WWP2: variants seen among roughly 807,000 people sequenced by gnomAD.
WWP2 encodes the protein NEDD4-like E3 ubiquitin-protein ligase WWP2.
WWP2 carries 57 observed loss-of-function variants against 121.0 expected under a neutral mutation model. The ratio of observed to expected loss-of-function variants is 0.47; its 90% confidence interval spans 0.38 to 0.59. The LOEUF (loss-of-function observed/expected upper bound fraction) is 0.59, where lower values mean the gene tolerates loss of function less well. WWP2 is among the 20% of genes least tolerant of loss of function. The pLI, the probability that WWP2 is intolerant of heterozygous loss-of-function variation, is 0.00. For missense variants in WWP2, 962 were observed against 1,158.9 expected, an observed-to-expected ratio of 0.83 and a Z score of 2.47; for synonymous variants, 449 against 441.3, an observed-to-expected ratio of 1.02 and a Z score of -0.22.
intron 1 of WWP2, among the ~76,000 whole-genome samples, chr16:69,786,731 G>A (rs1215249910): frequency 1.3e-5 from 2 of 152,178 alleles, no homozygotes; most frequent in Non-Finnish European, 2.9e-5. Flanking sequence ...AATTACAGAC[G>A]TGAGCGACCA....
chr16:69,783,379 A>T (rs941572230), intron 1 of WWP2, among the ~76,000 whole-genome samples: 1 of 152,090 alleles, frequency 6.6e-6, no homozygotes, highest in African/African-American at 2.4e-5. Context: ...ACTCTTTAAG[A>T]TAAGTCAGGC....
At chr16:69,837,733 C>T (rs1223462056) in intron 4 of WWP2, among the ~76,000 whole-genome samples, 1 of 152,198 alleles carries the variant, frequency 6.6e-6, no homozygotes, top group African/African-American at 2.4e-5. Flanking sequence ...CCGGAATGCT[C>T]ATCCCTCAGC....
chr16:69,894,294 G>A lies in WWP2; in HGVS notation c.914+6045G>A, dbSNP rs184938248. Among the ~76,000 whole-genome samples the A allele has an allele frequency of 4.7e-3, 712 of 150,060 alleles. 23 individuals are homozygous for A. Among genetic ancestry groups the A allele is most frequent in the Non-Finnish European group, 8.4e-4 (57 of 67,628 alleles). Reference sequence around the variant, plus strand: ...GAGGGTCTCACTCTGTTGCCCATGCGGATCTCAAACTCCTGGGCTCAAGCG... The same window carrying A: ...GAGGGTCTCACTCTGTTGCCCATGCAGATCTCAAACTCCTGGGCTCAAGCG... On this transcript the variant is annotated intron_variant, in intron 8 of 23. Coordinates refer to ENST00000359154, the MANE Select transcript of WWP2 (RefSeq NM_001270454.2).
At chr16:69,939,671 CCCTT>C (rs1378884649) in intron 23 of WWP2, among the ~76,000 whole-genome samples, 166 bp from the exon 24 acceptor site, 1 of 151,764 alleles carries the variant, frequency 6.6e-6, no homozygotes, top group Non-Finnish European at 1.5e-5. Context: ...CCTGGCCCCT[CCCTT>C]AACACCCCAT....
intron 7 of WWP2, among the ~76,000 whole-genome samples, chr16:69,872,430 A>G (rs1415114302): frequency 6.6e-6 from 1 of 152,052 alleles, no homozygotes; most frequent in Non-Finnish European, 1.5e-5. Context: ...GTTAGCCAGG[A>G]TGGTCTTGAT....
chr16:69,878,659 G>C (rs1476457615), intron 7 of WWP2, among the ~76,000 whole-genome samples: 6 of 151,988 alleles, frequency 3.9e-5, no homozygotes, highest in African/African-American at 1.4e-4. Flanking sequence ...ACTGCACCCA[G>C]CCTGTTTTTA....
At chr16:69,794,161 A>G (rs115492554) in intron 2 of WWP2, among the ~76,000 whole-genome samples, 6,765 of 150,724 alleles carry the variant, frequency 0.045, 527 homozygotes, top group African/African-American at 0.16. Context: ...CAAGTGATCT[A>G]CCTCCCTTAG....
chr16:69,924,254 G>A (rs1010903969), intron 10 of WWP2, among the ~76,000 whole-genome samples: 2 of 152,152 alleles, frequency 1.3e-5, no homozygotes, highest in Non-Finnish European at 1.5e-5. Context: ...GGGGCTTGCT[G>A]GCAGTTGAGT....
Position 69,937,450 on chromosome 16 carries a change from T to C in WWP2, c.2239-98T>C. 7.1e-7 allele frequency: 1 copy of C among 1,407,580 alleles called. No homozygotes were observed. Among genetic ancestry groups the C allele is most frequent in the Non-Finnish European group, 9.9e-7 (1 of 1,010,480 alleles). The allele number at this position is 1,407,580 out of a possible 1,614,324, so 87.2% of individuals were successfully genotyped here. ...ATATTATTAACGCTGACACCAAAAA[T>C]AGCTAGTTGAATATGTTTGGGGTAA... is the stretch of plus-strand genomic sequence containing the variant. On this transcript the variant is annotated intron_variant, in intron 20 of 23. Coordinates refer to ENST00000359154, the MANE Select transcript of WWP2 (RefSeq NM_001270454.2). This position sits in a 1 kb window ranked among gnomAD's most constrained non-coding sequence, Gnocchi z 6.6.
chr16:69,806,588 C>G (rs1027058843), intron 4 of WWP2, among the ~76,000 whole-genome samples: 2 of 152,084 alleles, frequency 1.3e-5, no homozygotes, highest in African/African-American at 4.8e-5. Flanking sequence ...TTTTCCCCCC[C>G]ATAATTACTG....
At chr16:69,812,137 T>A (rs1191976240) in intron 4 of WWP2, among the ~76,000 whole-genome samples, 1 of 150,556 alleles carries the variant, frequency 6.6e-6, no homozygotes, top group Non-Finnish European at 1.5e-5. Flanking sequence ...GACATTGGCA[T>A]CGGCGTTGTT....
In WWP2 at chr16:69,837,112, A is replaced by G. The variant is rs1430778943; in HGVS notation, c.341-3014A>G. Among the ~76,000 whole-genome samples the G allele has an allele frequency of 3.3e-5, 5 of 151,836 alleles. No homozygotes were observed. In the East Asian group the frequency reaches 9.6e-4, roughly 29 times the overall value. On this transcript the variant is annotated intron_variant, in intron 4 of 23. Coordinates refer to ENST00000359154, the MANE Select transcript of WWP2 (RefSeq NM_001270454.2). ...CTAATTTTTGGCATTTTTATTAGAG[A>G]TGGGGTTTTACCATGTTGCCCAGGC...
At chr16:69,897,449 A>T (rs1191702354) in intron 8 of WWP2, among the ~76,000 whole-genome samples, 1 of 152,056 alleles carries the variant, frequency 6.6e-6, no homozygotes, top group Admixed American at 6.6e-5. Context: ...CCCTTGATGT[A>T]TAAGATGTTA....
chr16:69,896,895 C>G lies in WWP2; in HGVS notation c.914+8646C>G, dbSNP rs368093769. On this transcript the variant is annotated intron_variant, in intron 8 of 23. Transcript: ENST00000359154. ...AAGTGAGGAGAACTTAAGCAATTTG[C>G]CTGGCACCACATATACAGATACACG... 1.1e-4 allele frequency among the ~76,000 whole-genome samples: 17 copies of G among 152,154 alleles called. 2 individuals are homozygous for G. The highest frequency in any genetic ancestry group is 3.9e-4 in the East Asian group (2 of 5,188).
At chr16:69,778,152 T>C in intron 1 of WWP2, among the ~76,000 whole-genome samples, 1 of 143,968 alleles carries the variant, frequency 6.9e-6, no homozygotes, top group African/African-American at 2.6e-5. Context: ...CATATATACA[T>C]ACACACTCAT....
chr16:69,831,819 A>G (rs986766791), intron 4 of WWP2, among the ~76,000 whole-genome samples: 2 of 151,154 alleles, frequency 1.3e-5, no homozygotes, highest in East Asian at 3.9e-4. Flanking sequence ...CATGGAAAAA[A>G]ACAAAACCTT....
rs1372022508 is a variant in WWP2, at chr16:69,931,820, T to C, written c.1612T>C (p.Tyr538His). 15 of 1,613,712 alleles carry C rather than the reference T, an allele frequency of 9.3e-6. No individual in the cohort carries two copies. The East Asian group carries it at 2.0e-4, about 22-fold the overall frequency. The change falls in exon 16 of 24, where the codon TAT becomes CAT. Residue 538 changes from tyrosine to histidine, a missense_variant. Around this residue, in one of 3 missense-constraint regions of WWP2, gnomAD observed 606 missense variants for 772.6 expected, o/e 0.78. Transcript: ENST00000359154. ...TTCCCAGATCATGAACATGAAACCC[T>C]ATGACCTGCGCCGCCGGCTCTACAT... is the stretch of plus-strand genomic sequence containing the variant. Reference protein sequence around the residue: ...SFQQIMNMKPYDLRRRLYIIM... With the variant: ...SFQQIMNMKPHDLRRRLYIIM...
At chr16:69,763,344 G>A (rs2038659067) in intron 1 of WWP2, among the ~76,000 whole-genome samples, 1 of 152,176 alleles carries the variant, frequency 6.6e-6, no homozygotes, top group South Asian at 2.1e-4. Context: ...CTGTGACCTG[G>A]ATCATGATTT....
intron 6 of WWP2, among the ~76,000 whole-genome samples, chr16:69,858,634 G>A (rs1216473981): frequency 6.6e-6 from 1 of 152,018 alleles, no homozygotes; most frequent in Non-Finnish European, 1.5e-5. Context: ...ATATTTCTGT[G>A]TTGAATGCTT....
Sources: allele counts gnomAD v4.1 joint callset (sites outside exome capture counted in the v4.1 genomes callset), GRCh38; gene constraint gnomAD v4.1.1; regional missense constraint gnomAD v4.1.1; non-coding constraint Gnocchi (gnomAD v3.1); transcripts MANE v1.5; gene names NCBI Gene and HGNC (gene_info 2026-07-23, HGNC 2026-07-21).